The following AUTS2 variants were observed in gnomAD, a reference collection of about 807,000 sequenced individuals.
AUTS2 encodes activator of transcription and developmental regulator AUTS2.
AUTS2 carries 17 observed loss-of-function variants against 112.4 expected under a neutral mutation model. The observed-to-expected ratio is 0.15, with a 90% confidence interval of 0.10 to 0.23. The LOEUF is 0.23. AUTS2 is among the 10% of genes least tolerant of loss of function. The pLI is 1.00. For missense variants in AUTS2, 1,510 were observed against 1,701.6 expected, an observed-to-expected ratio of 0.89 and a Z score of 1.98; for synonymous variants, 751 against 702.7, an observed-to-expected ratio of 1.07 and a Z score of -1.09.
intron 5 of AUTS2, among the ~76,000 whole-genome samples, chr7:70,531,450 A>G (rs1260505304): frequency 6.6e-6 from 1 of 152,180 alleles, no homozygotes; most frequent in Non-Finnish European, 1.5e-5. Flanking sequence ...TATTTGACTC[A>G]TGGTTCTGCA....
At chr7:70,003,347 A>T (rs1298085129) in intron 2 of AUTS2, among the ~76,000 whole-genome samples, 1 of 129,420 alleles carries the variant, frequency 7.7e-6, no homozygotes, top group Admixed American at 8.6e-5. Flanking sequence ...ATATGTATGA[A>T]TATGTTATAT....
intron 5 of AUTS2, among the ~76,000 whole-genome samples, chr7:70,671,633 A>G (rs1309796498): frequency 6.6e-6 from 1 of 152,008 alleles, no homozygotes; most frequent in Non-Finnish European, 1.5e-5. Flanking sequence ...GTTTCCTCCT[A>G]TCAGCCTGGG....
At chr7:69,805,523 C>T (rs1395537594) in intron 1 of AUTS2, among the ~76,000 whole-genome samples, 1 of 151,540 alleles carries the variant, frequency 6.6e-6, no homozygotes, top group African/African-American at 2.4e-5. Context: ...TAGAATGTGA[C>T]TATAAAAAAG....
At chr7:70,691,814 A>G (rs1351779097) in intron 5 of AUTS2, among the ~76,000 whole-genome samples, 2 of 151,650 alleles carry the variant, frequency 1.3e-5, no homozygotes, top group African/African-American at 2.4e-5. Context: ...AGATCTGGAC[A>G]CATGCAGATC....
At chr7:69,929,045 T>C (rs1796135212) in intron 2 of AUTS2, among the ~76,000 whole-genome samples, 1 of 152,222 alleles carries the variant, frequency 6.6e-6, no homozygotes, top group Non-Finnish European at 1.5e-5. Context: ...TAACATTTCT[T>C]ACTGAGAGAA....
At chr7:70,296,278 A>C (rs897032495) in intron 4 of AUTS2, among the ~76,000 whole-genome samples, 1 of 152,248 alleles carries the variant, frequency 6.6e-6, no homozygotes, top group African/African-American at 2.4e-5. Flanking sequence ...GAACAAAGTC[A>C]TTTTCAAGTT....
intron 1 of AUTS2, among the ~76,000 whole-genome samples, chr7:69,767,025 C>A (rs1407426456): frequency 6.6e-6 from 1 of 152,222 alleles, no homozygotes; most frequent in Non-Finnish European, 1.5e-5. Context: ...GAACTGAAGA[C>A]TGTATCATGG....
chr7:69,633,710 C>T (rs1794381777), intron 1 of AUTS2, among the ~76,000 whole-genome samples: 1 of 152,154 alleles, frequency 6.6e-6, no homozygotes, highest in South Asian at 2.1e-4. Context: ...TGATGTTGAG[C>T]ACCTTTTCAT....
intron 5 of AUTS2, among the ~76,000 whole-genome samples, chr7:70,570,014 C>T (rs994570043): frequency 6.6e-6 from 1 of 152,062 alleles, no homozygotes; most frequent in Non-Finnish European, 1.5e-5. Flanking sequence ...AAGATGAGGT[C>T]TTTCTCAGAA....
chr7:70,644,610 C>T lies in AUTS2; in HGVS notation c.691-53959C>T, dbSNP rs1352180517. Among the ~76,000 whole-genome samples, 3 of 152,108 alleles carry T rather than the reference C, an allele frequency of 2.0e-5. 1 individual carries two copies. The highest frequency in any genetic ancestry group is 1.5e-5 in the Non-Finnish European group (1 of 68,014). Reference sequence around the variant, plus strand: ...CTGGGGCACTTATTTGTGCTATTCACCCCCACCCCTCCTACCTTCCAGCAA... The same window carrying T: ...CTGGGGCACTTATTTGTGCTATTCATCCCCACCCCTCCTACCTTCCAGCAA... On this transcript the variant is annotated intron_variant, in intron 5 of 18. Coordinates refer to ENST00000342771, the MANE Select transcript of AUTS2 (RefSeq NM_015570.4).
chr7:69,664,782 A>G (rs1274976003), intron 1 of AUTS2, among the ~76,000 whole-genome samples: 1 of 152,198 alleles, frequency 6.6e-6, no homozygotes, highest in African/African-American at 2.4e-5. Context: ...ACGATATAAC[A>G]TGGCAAGAAT....
At chr7:70,541,377 CAAGTTT>C in intron 5 of AUTS2, among the ~76,000 whole-genome samples, 1 of 152,146 alleles carries the variant, frequency 6.6e-6, no homozygotes, top group Non-Finnish European at 1.5e-5. Context: ...TCATTTATTT[CAAGTTT>C]AATCGAGTCA....
chr7:69,799,576 G>C (rs1046307084), intron 1 of AUTS2, among the ~76,000 whole-genome samples: 2 of 152,168 alleles, frequency 1.3e-5, no homozygotes, highest in African/African-American at 4.8e-5. Context: ...AGCTGTTACT[G>C]TTAAATCTAC....
At chr7:70,626,796 T>A (rs1021189257) in intron 5 of AUTS2, among the ~76,000 whole-genome samples, 3 of 152,206 alleles carry the variant, frequency 2.0e-5, no homozygotes, top group African/African-American at 7.2e-5. Context: ...TTAATTCACT[T>A]AAGATAATGG....
chr7:69,644,862 C>G (rs1282715488), intron 1 of AUTS2, among the ~76,000 whole-genome samples: 1 of 152,008 alleles, frequency 6.6e-6, no homozygotes, highest in Non-Finnish European at 1.5e-5. Flanking sequence ...GAAAAGGAAC[C>G]AAGAAAATCT....
At chr7:69,797,531 G>A (rs968264760) in intron 1 of AUTS2, among the ~76,000 whole-genome samples, 6 of 152,146 alleles carry the variant, frequency 3.9e-5, no homozygotes, top group Non-Finnish European at 8.8e-5. Context: ...GCAGGAAAAT[G>A]AGAAGGGAAA....
chr7:69,758,754 C>G lies in AUTS2; in HGVS notation c.310-140532C>G, dbSNP rs183033716. Reference sequence around the variant, plus strand: ...GTGGAGGTGTGTTTTTTTCTTCCCCCTTAAACCCTCTTCTGAGCAATCTTT... The same window carrying G: ...GTGGAGGTGTGTTTTTTTCTTCCCCGTTAAACCCTCTTCTGAGCAATCTTT... On this transcript the variant is annotated intron_variant, in intron 1 of 18. Transcript: ENST00000342771. Among the ~76,000 whole-genome samples the G allele has an allele frequency of 9.0e-4, 137 of 152,214 alleles. 4 individuals carry two copies. The South Asian group carries it at 0.026, about 29-fold the overall frequency.
At chr7:70,262,892 C>G (rs569103166) in intron 4 of AUTS2, among the ~76,000 whole-genome samples, 28 of 152,128 alleles carry the variant, frequency 1.8e-4, no homozygotes, top group African/African-American at 6.5e-4. Context: ...ACCCTTGGGG[C>G]CCACTGTGAT....
At chr7:69,977,043 T>C (rs1489278789) in intron 2 of AUTS2, among the ~76,000 whole-genome samples, 1 of 152,212 alleles carries the variant, frequency 6.6e-6, no homozygotes, top group Non-Finnish European at 1.5e-5. Flanking sequence ...TTTTCCTCAA[T>C]GTTTTCTTCT....
Sources: allele counts gnomAD v4.1 joint callset (sites outside exome capture counted in the v4.1 genomes callset), GRCh38; gene constraint gnomAD v4.1.1; transcripts MANE v1.5; gene names NCBI Gene and HGNC (gene_info 2026-07-23, HGNC 2026-07-21).